Variants in DGUOK observed in about 807,000 individuals in gnomAD.
DGUOK encodes the protein deoxyguanosine kinase, also known as deoxyguanosine kinase, mitochondrial.
DGUOK carries 30 observed loss-of-function variants against 36.6 expected under a neutral mutation model. That is an observed-to-expected ratio of 0.82 (90% CI 0.61 to 1.11). The LOEUF is 1.11. Ranked by LOEUF, DGUOK falls within the 50% of genes most tolerant of loss-of-function variation. DGUOK has a pLI of 0.00. For synonymous variants in DGUOK, 145 were observed against 126.3 expected, an observed-to-expected ratio of 1.15 and a Z score of -0.99; for missense variants, 361 against 336.4, an observed-to-expected ratio of 1.07 and a Z score of -0.57.
At chr2:73,948,419 G>A (rs1682487350) in intron 3 of DGUOK, among the ~76,000 whole-genome samples, 1 of 152,200 alleles carries the variant, frequency 6.6e-6, no homozygotes, top group South Asian at 2.1e-4. Context: ...CATTCCAGGT[G>A]CTATCTTCAG....
intron 2 of DGUOK, among the ~76,000 whole-genome samples, chr2:73,940,106 T>C (rs1231648253): frequency 1.3e-5 from 2 of 152,156 alleles, no homozygotes; most frequent in Non-Finnish European, 2.9e-5. Context: ...TTCGCCATGT[T>C]GGCCAGGCTG....
In DGUOK at chr2:73,958,885, A is replaced by G; in HGVS notation, c.*149A>G. ...AAGAGCTGGTTTGTTAATTATTGTT[A>G]GACTTTGCCATTGTTTTCTTTTGTA... On this transcript the variant is annotated 3_prime_UTR_variant, in exon 7 of 7. Transcript: ENST00000264093. 1.5e-6 allele frequency: 1 copy of G among 688,488 alleles called. No homozygotes were observed. The highest frequency in any genetic ancestry group is 1.7e-5 in the South Asian group (1 of 60,388). The allele number at this position is 688,488 out of a possible 1,614,324, so 42.6% of individuals were successfully genotyped here.
rs577662267 is a variant in DGUOK at position 73,949,834 on chromosome 2, A to G, written c.444-751A>G. 6.6e-5 allele frequency among the ~76,000 whole-genome samples: 10 copies of G among 152,308 alleles called. No homozygotes were observed. The South Asian group carries it at 2.1e-3, about 32-fold the overall frequency. On this transcript the variant is annotated intron_variant, in intron 3 of 6. Coordinates refer to ENST00000264093, the MANE Select transcript of DGUOK (RefSeq NM_080916.3). ...TTGTCTGAAGCCATGGTTTATGTTT[A>G]GCTCTGATTTCCTGTTTACCAGATG...
intron 1 of DGUOK, chr2:73,932,588 C>G (rs1203490986): frequency 2.3e-6 from 3 of 1,288,282 alleles, no homozygotes; most frequent in South Asian, 1.2e-5. Context: ...ATCATCTTCT[C>G]TAATCACAGG....
chr2:73,948,198 G>T (rs1258765935), intron 3 of DGUOK, among the ~76,000 whole-genome samples: 2 of 152,176 alleles, frequency 1.3e-5, no homozygotes, highest in East Asian at 3.8e-4. Context: ...CTCGGACTCC[G>T]AAGTTGAATT....
Position 73,946,699 on chromosome 2 carries a change from T to C in DGUOK, c.256-20T>C, listed in dbSNP as rs201519508. ...ATATGCTTTCTAGGAAATTTTCTTC[T>C]TTTTTTCATCTCCCTCTAGGCCTGC... is the stretch of plus-strand genomic sequence containing the variant. On this transcript the variant is annotated intron_variant, in intron 2 of 6. Transcript: ENST00000264093. 5.1e-5 allele frequency: 83 copies of C among 1,613,354 alleles called. No homozygotes were observed. Among genetic ancestry groups the C allele is most frequent in the Admixed American group, 2.0e-4 (12 of 60,012 alleles).
rs1573548390 is a variant in DGUOK, at chr2:73,946,751, G to T, written c.288G>T (p.Leu96=). The change falls in exon 3 of 7, where the codon CTG becomes CTT. Residue 96 remains leucine, a synonymous_variant. Coordinates refer to ENST00000264093, the MANE Select transcript of DGUOK (RefSeq NM_080916.3). ...CTGCCCAAAGTCTTGGAAACTTGCT[G>T]GATATGATGTACCGGGAGCCAGCAC... is the stretch of plus-strand genomic sequence containing the variant. ...ACTAQSLGNL[L]DMMYREPARW... 2 of 1,614,092 alleles carry T rather than the reference G, an allele frequency of 1.2e-6. No homozygotes were observed. Among genetic ancestry groups the T allele is most frequent in the East Asian group, 4.5e-5 (2 of 44,886 alleles).
chr2:73,948,415 A>C (rs1340980220), intron 3 of DGUOK, among the ~76,000 whole-genome samples: 2 of 152,258 alleles, frequency 1.3e-5, no homozygotes, highest in African/African-American at 4.8e-5. Flanking sequence ...ACAACATTCC[A>C]GGTGCTATCT....
At position 73,946,920 on chromosome 2, in the gene DGUOK, C is replaced by G; in HGVS notation, c.443+14C>G. On this transcript the variant is annotated intron_variant, in intron 3 of 6. Coordinates refer to ENST00000264093, the MANE Select transcript of DGUOK (RefSeq NM_080916.3). ...GTACAGTGACAGGTAAAATGCCAAG[C>G]CCTCCACCAGTCACAAGCCCCATGC... The G allele has an allele frequency of 6.2e-7, 1 of 1,603,676 alleles. No homozygotes were observed. The highest frequency in any genetic ancestry group is 8.5e-7 in the Non-Finnish European group (1 of 1,175,152).
intron 1 of DGUOK, among the ~76,000 whole-genome samples, chr2:73,927,912 T>C (rs1680727140): frequency 6.6e-6 from 1 of 152,224 alleles, no homozygotes; most frequent in African/African-American, 2.4e-5. Flanking sequence ...TTTTTATTCA[T>C]TCAACAAATC....
At chr2:73,928,928 G>A (rs1346562522) in intron 1 of DGUOK, among the ~76,000 whole-genome samples, 1 of 152,184 alleles carries the variant, frequency 6.6e-6, no homozygotes, top group Non-Finnish European at 1.5e-5. Flanking sequence ...AACAGTGGAA[G>A]TGGTGAGAAA....
At chr2:73,945,704 C>A (rs1558656488) in intron 2 of DGUOK, among the ~76,000 whole-genome samples, 1 of 152,200 alleles carries the variant, frequency 6.6e-6, no homozygotes, top group African/African-American at 2.4e-5. Flanking sequence ...ATCCAAAGTG[C>A]TTTTGTACAA....
rs1573489477 is a variant in DGUOK, at chr2:73,926,950, C to A, written c.40C>A (p.Pro14Thr). The A allele has an allele frequency of 1.2e-6, 2 of 1,613,460 alleles. No homozygotes were observed. Among genetic ancestry groups the A allele is most frequent in the Non-Finnish European group, 1.7e-6 (2 of 1,180,048 alleles). Reference protein sequence around the residue: ...GRLFLSRLRAPFSSMAKSPLE... With the variant: ...GRLFLSRLRATFSSMAKSPLE... ...CCTCTTTCTAAGTCGGCTTCGAGCA[C>A]CCTTCAGTTCCATGGCCAAGAGCCC... Residue 14 changes from proline to threonine, a missense_variant, in exon 1 of 7, where the codon CCC (proline) becomes ACC (threonine). Coordinates refer to ENST00000264093, the MANE Select transcript of DGUOK (RefSeq NM_080916.3).
chr2:73,951,198 G>A (rs1390744667), intron 4 of DGUOK, among the ~76,000 whole-genome samples: 1 of 152,080 alleles, frequency 6.6e-6, no homozygotes, highest in East Asian at 1.9e-4. Context: ...GATGCCATTG[G>A]GAAGGCAGGA....
intron 3 of DGUOK, 96 bp from the exon 4 acceptor site, chr2:73,950,489 T>C: frequency 7.5e-7 from 1 of 1,324,974 alleles, no homozygotes; most frequent in Non-Finnish European, 1.1e-6. Flanking sequence ...ATGGAACAAG[T>C]TGGTTATTGA....
intron 1 of DGUOK, among the ~76,000 whole-genome samples, chr2:73,934,802 G>A (rs187787178): frequency 1.3e-5 from 2 of 148,668 alleles, no homozygotes; most frequent in African/African-American, 4.9e-5. Flanking sequence ...GCCCGGCGCA[G>A]TGGCTCACGC....
chr2:73,954,024 C>A (rs1318760349), intron 4 of DGUOK, among the ~76,000 whole-genome samples: 1 of 151,940 alleles, frequency 6.6e-6, no homozygotes, highest in South Asian at 2.1e-4. Flanking sequence ...GGCCCCCTAA[C>A]TTCTTAAAAG....
At chr2:73,936,160 C>G (rs1175760044) in intron 1 of DGUOK, among the ~76,000 whole-genome samples, 2 of 152,248 alleles carry the variant, frequency 1.3e-5, no homozygotes, top group Non-Finnish European at 2.9e-5. Flanking sequence ...AACCTACAAT[C>G]TAAATATTGA....
intron 4 of DGUOK, among the ~76,000 whole-genome samples, chr2:73,951,920 G>T (rs921806394): frequency 3.3e-4 from 50 of 152,238 alleles, no homozygotes; most frequent in African/African-American, 1.2e-3. Context: ...TACAATCCCA[G>T]CACTTTGGGA....
Sources: gnomAD v4.1 joint callset for allele counts (sites outside exome capture counted in the v4.1 genomes callset) on GRCh38, gnomAD v4.1.1 for gene constraint, MANE v1.5 for transcripts, NCBI Gene and HGNC (gene_info 2026-07-23, HGNC 2026-07-21) for gene names.